Variants in PDCD11 observed in about 807,000 individuals in gnomAD.
PDCD11 encodes the protein protein RRP5 homolog.
PDCD11 carries 97 observed loss-of-function variants against 198.9 expected under a neutral mutation model. The observed-to-expected ratio is 0.49, with a 90% confidence interval of 0.41 to 0.58. PDCD11 has a LOEUF of 0.58. Among genes scored for constraint, PDCD11 ranks in the 20% least tolerant of loss-of-function variants. The probability of loss-of-function intolerance (pLI) is 0.00; values close to 1 mark genes in which losing one functional copy is unlikely to be tolerated. For synonymous variants in PDCD11, 893 were observed against 918.0 expected, an observed-to-expected ratio of 0.97 and a Z score of 0.49; for missense variants, 2,102 against 2,312.7, an observed-to-expected ratio of 0.91 and a Z score of 1.87.
chr10:103,445,723 C>T lies in PDCD11; in HGVS notation c.*174C>T, dbSNP rs2032582731. The T allele has an allele frequency of 1.7e-6, 1 of 584,136 alleles. No individual in the cohort carries two copies. The allele number at this position is 584,136 out of a possible 1,614,324, so 36.2% of individuals were successfully genotyped here. ...AAGGAAGTTGAGATTTTTTAAATCCCTCTTCGCTTGCTTTATTTTCAGTAC... is the reference window on the plus strand; with the variant it reads ...AAGGAAGTTGAGATTTTTTAAATCCTTCTTCGCTTGCTTTATTTTCAGTAC... On this transcript the variant is annotated 3_prime_UTR_variant, in exon 36 of 36. Transcript: ENST00000369797.
At chr10:103,442,016 C>T in intron 31 of PDCD11, 41 bp downstream of exon 31, 1 of 1,610,466 alleles carries the variant, frequency 6.2e-7, no homozygotes, top group Non-Finnish European at 8.5e-7. Flanking sequence ...GCAGGGACCC[C>T]TTGGTGTCAG....
In PDCD11 at chr10:103,433,985, C is replaced by A; in HGVS notation, c.3512C>A (p.Ala1171Asp). 6.2e-7 allele frequency: 1 copy of A among 1,613,898 alleles called. No individual in the cohort carries two copies. Among genetic ancestry groups the A allele is most frequent in the Non-Finnish European group, 8.5e-7 (1 of 1,179,790 alleles). ...AAGAAATGGCTTGAGGTGGAGATTG[C>A]CCCAGACATCCGGGGGAGAATTCCC... ...VVKKWLEVEI[A>D]PDIRGRIPLL... Residue 1171 changes from alanine (A) to aspartate (D), a missense_variant, in exon 23 of 36, where the codon GCC becomes GAC. Physicochemically the swap from Ala to Asp is moderately radical, Grantham distance 126. Transcript: ENST00000369797.
Position 103,400,656 on chromosome 10 carries a change from C to T in PDCD11, c.234+128C>T, listed in dbSNP as rs751756472. On this transcript the variant is annotated intron_variant, in intron 3 of 35. Coordinates refer to ENST00000369797, the MANE Select transcript of PDCD11 (RefSeq NM_014976.2). ...TCCCCTTAATATATTATATTTCATG[C>T]GTGTGTGTGTAGAGATGCTTGGAAT... The T allele has an allele frequency of 1.0e-4, 95 of 925,334 alleles. 1 individual carries two copies. The highest frequency in any genetic ancestry group is 1.4e-4 in the Non-Finnish European group (89 of 614,266). 57.3% of individuals were successfully genotyped at this position (925,334 alleles called of 1,614,324 possible).
chr10:103,426,358 A>G (rs528782651), intron 20 of PDCD11, among the ~76,000 whole-genome samples: 1 of 152,370 alleles, frequency 6.6e-6, no homozygotes, highest in Non-Finnish European at 1.5e-5. Flanking sequence ...TAATTTGCAT[A>G]TTAATTTCAG....
In PDCD11 at chr10:103,405,129, G is replaced by C. The variant is rs1390416495; in HGVS notation, c.510G>C (p.Leu170=). The stretch of plus-strand genomic sequence containing the variant: ...GCAAGAAGAGTGTCAAGCTGTCTCT[G>C]AACCCCAAAAATGTCAACAGAGTGC... The part of the protein sequence containing the change: ...DRGKKSVKLS[L]NPKNVNRVLS... The change falls in exon 5 of 36, where the codon CTG becomes CTC. Residue 170 remains leucine, a synonymous_variant. Transcript: ENST00000369797. The C allele has an allele frequency of 1.2e-6, 2 of 1,614,128 alleles. No individual in the cohort carries two copies. The highest frequency in any genetic ancestry group is 2.7e-5 in the African/African-American group (2 of 75,060).
At chr10:103,437,003 G>A (rs991469961) in intron 25 of PDCD11, among the ~76,000 whole-genome samples, 6 of 152,206 alleles carry the variant, frequency 3.9e-5, no homozygotes, top group Non-Finnish European at 2.9e-5. Context: ...GTACCTAGCT[G>A]ATGCCTTGGG....
At position 103,444,609 on chromosome 10, in the gene PDCD11, T is replaced by TA. The variant is rs766315786; in HGVS notation, c.5372dup (p.Tyr1791Ter). 6.2e-7 allele frequency: 1 copy of TA among 1,614,060 alleles called. No homozygotes were observed. ...KAIFENTLSTYPKRTDVWSVY... is the reference protein window; with the variant it reads ...KAIFENTLST The stretch of plus-strand genomic sequence containing the variant: ...CATTTTTGAGAACACGCTGAGCACC[T>TA]ACCCAAAGCGCACAGATGTCTGGTC... Residue 1791 changes from tyrosine (Y) to a stop codon, truncating the protein, a stop_gained and frameshift_variant, in exon 35 of 36, where the codon TAC (tyrosine) becomes TAAC (stop). Transcript: ENST00000369797. LOFTEE classifies it high-confidence loss of function.
intron 21 of PDCD11, among the ~76,000 whole-genome samples, chr10:103,430,828 C>A (rs1407061715): frequency 6.6e-6 from 1 of 150,528 alleles, no homozygotes; most frequent in Admixed American, 6.6e-5. Context: ...AATGGAGTTT[C>A]GCTCTTATTG....
Position 103,423,611 on chromosome 10 carries a change from G to A in PDCD11, c.2716G>A (p.Val906Met), listed in dbSNP as rs746412438. The change falls in exon 19 of 36, where the codon GTG (valine) becomes ATG (methionine). Residue 906 changes from valine (V) to methionine (M), a missense_variant. Val to Met is a conservative substitution (Grantham distance 21). Transcript: ENST00000369797. ...ILNVDLLKLE[V>M]HVSLHQDLVN... ...AAATGTTGATCTTTTGAAGTTGGAA[G>A]TGCACGTTTCCCTTCACCAGGACTT... 1 of 1,614,072 alleles carries A rather than the reference G, an allele frequency of 6.2e-7. No individual in the cohort carries two copies. The highest frequency in any genetic ancestry group is 1.3e-5 in the African/African-American group (1 of 75,048).
chr10:103,406,034 A>G lies in PDCD11; in HGVS notation c.614A>G (p.Asp205Gly). ...CTGGAAGACCATGGCTACCTAGTGG[A>G]CATTGGTGTTGATGGGACCAGAGCT... The part of the protein sequence containing the change: ...SSLEDHGYLV[D>G]IGVDGTRAFL... Residue 205 changes from aspartate (D) to glycine (G), a missense_variant, in exon 6 of 36, where the codon GAC (aspartate) becomes GGC (glycine). Coordinates refer to ENST00000369797, the MANE Select transcript of PDCD11 (RefSeq NM_014976.2). 1 of 1,614,116 alleles carries G rather than the reference A, an allele frequency of 6.2e-7. No homozygotes were observed. The highest frequency in any genetic ancestry group is 8.5e-7 in the Non-Finnish European group (1 of 1,179,954).
At position 103,425,083 on chromosome 10, in the gene PDCD11, C is replaced by T. The variant is rs750448092; in HGVS notation, c.2863C>T (p.Leu955=). 7 of 1,614,110 alleles carry T rather than the reference C, an allele frequency of 4.3e-6. No homozygotes were observed. In the South Asian group the frequency reaches 7.7e-5, roughly 18 times the overall value. ...GACGGGCCACCTGGCAGCTTTCTCCCTGACCTCTCACCTCAACGACACCTT... is the reference window on the plus strand; with the variant it reads ...GACGGGCCACCTGGCAGCTTTCTCCTTGACCTCTCACCTCAACGACACCTT... The part of the protein sequence containing the change: ...VETGHLAAFS[L]TSHLNDTFRF... Residue 955 remains leucine (L), a synonymous_variant, in exon 20 of 36, where the codon CTG becomes TTG. Coordinates refer to ENST00000369797, the MANE Select transcript of PDCD11 (RefSeq NM_014976.2).
At chr10:103,439,058 C>T (rs986110108) in intron 27 of PDCD11, among the ~76,000 whole-genome samples, 9 of 152,116 alleles carry the variant, frequency 5.9e-5, no homozygotes, top group East Asian at 1.9e-4. Context: ...AGTCTGGGGC[C>T]GGGCGTGGTG....
intron 20 of PDCD11, among the ~76,000 whole-genome samples, chr10:103,426,026 C>T (rs749383372): frequency 1.8e-4 from 28 of 152,062 alleles, no homozygotes; most frequent in Admixed American, 1.1e-3. Context: ...GAGTCAGACC[C>T]GGGTTTGAAT....
rs748996366 is a variant in PDCD11 at position 103,432,169 on chromosome 10, G to A, written c.3409G>A (p.Val1137Ile). ...DGHTALNTHS[V>I]SPMEKIKQYQ... ...CCACACTGCTCTTAACACTCACTCTGTTAGCCCCATGGAGAAGATTAAACA... is the reference window on the plus strand; with the variant it reads ...CCACACTGCTCTTAACACTCACTCTATTAGCCCCATGGAGAAGATTAAACA... Residue 1137 changes from valine to isoleucine, a missense_variant, in exon 22 of 36, where the codon GTT becomes ATT. Physicochemically the swap from Val to Ile is conservative, Grantham distance 29 (BLOSUM62 3). Transcript: ENST00000369797. 6.2e-7 allele frequency: 1 copy of A among 1,613,986 alleles called. No individual in the cohort carries two copies. The highest frequency in any genetic ancestry group is 2.2e-5 in the East Asian group (1 of 44,902).
intron 14 of PDCD11, 56 bp from the exon 15 acceptor site, chr10:103,418,384 C>T (rs1278054273): frequency 7.1e-7 from 1 of 1,410,978 alleles, no homozygotes; most frequent in East Asian, 2.3e-5. Context: ...TAATCCAGAC[C>T]AGGTTGTTCT....
intron 4 of PDCD11, 56 bp downstream of exon 4, chr10:103,403,341 T>G (rs2030233514): frequency 6.6e-7 from 1 of 1,520,352 alleles, no homozygotes; most frequent in Non-Finnish European, 9.0e-7. Flanking sequence ...ACAAATAGAT[T>G]TAAAATTACA....
At chr10:103,429,406 G>GGGTTT (rs367937737) in intron 21 of PDCD11, among the ~76,000 whole-genome samples, 42 of 152,098 alleles carry the variant, frequency 2.8e-4, no homozygotes, top group Non-Finnish European at 4.4e-4. Flanking sequence ...TTTATGTGGT[G>GGGTTT]GGTTTGGTTT....
At chr10:103,400,994 ATCC>A (rs972941656) in intron 3 of PDCD11, among the ~76,000 whole-genome samples, 2 of 152,154 alleles carry the variant, frequency 1.3e-5, no homozygotes, top group East Asian at 1.9e-4. Flanking sequence ...TGCTCAAGCA[ATCC>A]TCCTGCCTCA....
In PDCD11 at chr10:103,436,092, A is replaced by G. The variant is rs1287366564; in HGVS notation, c.3845+1117A>G. Among the ~76,000 whole-genome samples, 4 of 151,366 alleles carry G rather than the reference A, an allele frequency of 2.6e-5. No homozygotes were observed. In the South Asian group the frequency reaches 6.3e-4, roughly 24 times the overall value. On this transcript the variant is annotated intron_variant, in intron 25 of 35. Transcript: ENST00000369797. ...GCCCAGGCTGGAGTGCAGTGGCACA[A>G]TCTTGGCTCTTGTTTTGTTTTGTTT...
Sources: allele counts gnomAD v4.1 joint callset (sites outside exome capture counted in the v4.1 genomes callset), GRCh38; gene constraint gnomAD v4.1.1; transcripts MANE v1.5; gene names NCBI Gene and HGNC (gene_info 2026-07-23, HGNC 2026-07-21).